JAKMIP2: variants seen among roughly 807,000 people sequenced by gnomAD.
JAKMIP2 encodes janus kinase and microtubule-interacting protein 2.
A neutral mutation model predicts 115.0 loss-of-function variants in JAKMIP2; 25 were observed. The ratio of observed to expected loss-of-function variants is 0.22; its 90% CI spans 0.16 to 0.30. The LOEUF (loss-of-function observed/expected upper bound fraction) is 0.30, where lower values mean the gene tolerates loss of function less well. Ranked by LOEUF, JAKMIP2 falls within the 10% of genes least tolerant of loss-of-function variation. JAKMIP2 has a pLI of 1.00. For synonymous variants in JAKMIP2, 334 were observed against 343.6 expected, an observed-to-expected ratio of 0.97 and a Z score of 0.31; for missense variants, 642 against 957.6, an observed-to-expected ratio of 0.67 and a Z score of 4.35.
chr5:147,720,754 AT>A (rs1359885771), intron 1 of JAKMIP2, among the ~76,000 whole-genome samples: 2 of 148,564 alleles, frequency 1.3e-5, no homozygotes, highest in South Asian at 2.2e-4. Flanking sequence ...ATTCTTCTAA[AT>A]TTTTTTCAAA....
chr5:147,661,887 C>T (rs1279760769), intron 2 of JAKMIP2: 1 of 167,060 alleles, frequency 6.0e-6, no homozygotes, highest in Non-Finnish European at 1.3e-5. Flanking sequence ...GACTGCAAAA[C>T]AGATCGCCTG....
chr5:147,747,904 C>T (rs1190639472), intron 1 of JAKMIP2, among the ~76,000 whole-genome samples: 2 of 152,140 alleles, frequency 1.3e-5, no homozygotes, highest in African/African-American at 2.4e-5. Flanking sequence ...CCTCTCAAAA[C>T]TTTGGTTGCT....
intron 1 of JAKMIP2, among the ~76,000 whole-genome samples, chr5:147,682,331 C>T (rs1686838061): frequency 1.3e-5 from 2 of 152,184 alleles, no homozygotes; most frequent in South Asian, 4.1e-4. Flanking sequence ...TTATGGACTT[C>T]ATCCACAAAT....
At chr5:147,729,038 T>C (rs917105485) in intron 1 of JAKMIP2, among the ~76,000 whole-genome samples, 3 of 152,158 alleles carry the variant, frequency 2.0e-5, no homozygotes, top group African/African-American at 7.2e-5. Flanking sequence ...CATTGTAACA[T>C]GTAATTGAGA....
At chr5:147,632,605 G>A (rs919529994) in intron 13 of JAKMIP2, 75 bp downstream of exon 13, 10 of 924,906 alleles carry the variant, frequency 1.1e-5, no homozygotes, top group African/African-American at 5.0e-5. Context: ...TTAATACAGC[G>A]CCTAGCTCCT....
intron 2 of JAKMIP2, among the ~76,000 whole-genome samples, chr5:147,662,363 T>C (rs770479097): frequency 5.3e-5 from 8 of 152,194 alleles, no homozygotes; most frequent in Non-Finnish European, 8.8e-5. Flanking sequence ...AGTAGTTTGA[T>C]AAAATATTTC....
At chr5:147,748,161 G>C (rs1177003959) in intron 1 of JAKMIP2, among the ~76,000 whole-genome samples, 2 of 152,130 alleles carry the variant, frequency 1.3e-5, no homozygotes, top group Non-Finnish European at 2.9e-5. Flanking sequence ...TCTACTTCTT[G>C]TTGGCTGTAT....
intron 1 of JAKMIP2, among the ~76,000 whole-genome samples, chr5:147,702,648 GAAAGAA>G (rs1376264663): frequency 1.9e-5 from 2 of 108,024 alleles, no homozygotes; most frequent in African/African-American, 8.6e-5. Flanking sequence ...AAGAAAGAAA[GAAAGAA>G]AGAAAGAAAG....
intron 20 of JAKMIP2, among the ~76,000 whole-genome samples, chr5:147,604,748 C>T (rs557744362): frequency 6.6e-6 from 1 of 152,060 alleles, no homozygotes; most frequent in South Asian, 2.1e-4. Flanking sequence ...ACCTCTTTGG[C>T]ATCCTTGCTA....
intron 17 of JAKMIP2, 57 bp downstream of exon 17, chr5:147,623,551 AGGCAACTTTAATT>A: frequency 1.1e-6 from 1 of 946,132 alleles, no homozygotes; most frequent in Non-Finnish European, 1.7e-6. Context: ...AAACTGGTAG[AGGCAACTTTAATT>A]TTCCATTTGC....
chr5:147,604,988 C>A (rs1024587707), intron 20 of JAKMIP2, among the ~76,000 whole-genome samples: 5 of 151,754 alleles, frequency 3.3e-5, no homozygotes, highest in Admixed American at 1.3e-4. Flanking sequence ...TCCCCACCCC[C>A]CGACAGGCCC....
intron 1 of JAKMIP2, among the ~76,000 whole-genome samples, chr5:147,695,112 AAACT>A (rs1437807202): frequency 6.6e-6 from 1 of 152,238 alleles, no homozygotes; most frequent in African/African-American, 2.4e-5. Context: ...GACTCAAAAC[AAACT>A]AACAATGCGT....
At chr5:147,731,847 A>G (rs1753746029) in intron 1 of JAKMIP2, among the ~76,000 whole-genome samples, 1 of 152,198 alleles carries the variant, frequency 6.6e-6, no homozygotes, top group South Asian at 2.1e-4. Context: ...TCTTGGTATC[A>G]TGGCAGAAAC....
chr5:147,776,219 T>C (rs563784707), intron 1 of JAKMIP2, among the ~76,000 whole-genome samples: 1 of 152,316 alleles, frequency 6.6e-6, no homozygotes, highest in African/African-American at 2.4e-5. Context: ...CACCCAAATC[T>C]CATCCTGAAT....
At chr5:147,764,537 A>G (rs913199727) in intron 1 of JAKMIP2, among the ~76,000 whole-genome samples, 2 of 152,024 alleles carry the variant, frequency 1.3e-5, no homozygotes, top group Non-Finnish European at 2.9e-5. Context: ...TGGTAGGGAT[A>G]TTGAGTTAAG....
Position 147,628,870 on chromosome 5 carries a change from A to T in JAKMIP2, c.1930-54T>A, listed in dbSNP as rs532102722. ...GAACATACTGACATTATTTACCCCA[A>T]AGAAAATACTGTCTGACTGACTGCT... is the stretch of plus-strand genomic sequence containing the variant. On this transcript the variant is annotated intron_variant, in intron 15 of 21. Transcript: ENST00000616793. 6.9e-6 allele frequency: 9 copies of T among 1,300,020 alleles called. No individual in the cohort carries two copies. In the African/African-American group the frequency reaches 1.3e-4, roughly 19 times the overall value. 80.5% of individuals were successfully genotyped at this position (1,300,020 alleles called of 1,614,324 possible).
chr5:147,690,649 G>T (rs1463247794), intron 1 of JAKMIP2, among the ~76,000 whole-genome samples: 1 of 148,806 alleles, frequency 6.7e-6, no homozygotes, highest in Non-Finnish European at 1.5e-5. Context: ...ATTTTGGAAA[G>T]ATATATGAGG....
intron 1 of JAKMIP2, among the ~76,000 whole-genome samples, chr5:147,724,473 CTTG>C (rs1371905505): frequency 6.6e-6 from 1 of 152,156 alleles, no homozygotes; most frequent in African/African-American, 2.4e-5. Flanking sequence ...GTGTTATGTA[CTTG>C]TTGTACCCAG....
At chr5:147,600,446 G>C (rs918878363) in intron 21 of JAKMIP2, among the ~76,000 whole-genome samples, 1 of 152,042 alleles carries the variant, frequency 6.6e-6, no homozygotes, top group African/African-American at 2.4e-5. Context: ...ACCTATGGAG[G>C]GAGAAAGTGC....
Sources: allele counts gnomAD v4.1 joint callset (sites outside exome capture counted in the v4.1 genomes callset), GRCh38; gene constraint gnomAD v4.1.1; transcripts MANE v1.5; gene names NCBI Gene and HGNC (gene_info 2026-07-23, HGNC 2026-07-21).